The following STX16 variants were observed in gnomAD, a reference collection of about 807,000 sequenced individuals.
STX16 encodes the protein syntaxin-16.
Under a neutral mutation model 42.7 loss-of-function variants are expected in STX16, and 28 were observed. That is an observed-to-expected ratio of 0.66 (90% CI 0.49 to 0.90). The LOEUF is 0.90. Among genes scored for constraint, STX16 ranks in the 40% least tolerant of loss-of-function variants. STX16 has a pLI of 0.00. For synonymous variants in STX16, 156 were observed against 155.2 expected (o/e 1.00, Z -0.04); for missense variants, 361 against 420.9 (o/e 0.86, Z 1.24).
chr20:58,659,195 CATG>C (rs542478530), intron 1 of STX16, among the ~76,000 whole-genome samples: 294 of 152,254 alleles, frequency 1.9e-3, no homozygotes, highest in Middle Eastern at 3.4e-3. Context: ...ATTTATTTAA[CATG>C]ATAAAATTAC....
intron 1 of STX16, chr20:58,652,371 A>G: frequency 6.5e-6 from 3 of 458,782 alleles, no homozygotes; most frequent in South Asian, 5.7e-5. Context: ...CTTCCGCAGC[A>G]CCCCCCCCCC....
intron 1 of STX16, among the ~76,000 whole-genome samples, chr20:58,655,280 A>T (rs79012931): frequency 0.081 from 12,321 of 152,220 alleles, 547 homozygotes; most frequent in African/African-American, 0.097. Flanking sequence ...AGTGTGTATC[A>T]TACACCTCAA....
In STX16 at chr20:58,667,888, AG is replaced by A. The variant is rs1235055057; in HGVS notation, c.253-98del. 6 of 1,496,666 alleles carry A rather than the reference AG, an allele frequency of 4.0e-6. No individual in the cohort carries two copies. The East Asian group carries it at 1.4e-4, about 34-fold the overall frequency. 92.7% of individuals were successfully genotyped at this position (1,496,666 alleles called of 1,614,324 possible). On this transcript the variant is annotated intron_variant, in intron 3 of 8. Transcript: ENST00000371141. Reference sequence around the variant, plus strand: ...CTGCTCACACATCAGCAAGCCAACAAGTTTGCTGAAGACCGAATTCTGTATG... The same window carrying A: ...CTGCTCACACATCAGCAAGCCAACAATTTGCTGAAGACCGAATTCTGTATG...
Position 58,677,631 on chromosome 20 carries a change from A to G in STX16, c.*1340A>G, listed in dbSNP as rs1057095865. 2 of 152,216 alleles carry G rather than the reference A, an allele frequency of 1.3e-5. No homozygotes were observed. Among genetic ancestry groups the G allele is most frequent in the African/African-American group, 2.4e-5 (1 of 41,456 alleles). The allele number at this position is 152,216 out of a possible 1,614,324, so 9.4% of individuals were successfully genotyped here. On this transcript the variant is annotated 3_prime_UTR_variant, in exon 9 of 9. Transcript: ENST00000371141. ...TTTAATGGTCTTTGTGTAAATTTTAATGGCTTTTCCATTGTTTTTGCTTCT... is the reference window on the plus strand; with the variant it reads ...TTTAATGGTCTTTGTGTAAATTTTAGTGGCTTTTCCATTGTTTTTGCTTCT...
chr20:58,652,993 T>C (rs542586334), intron 1 of STX16, among the ~76,000 whole-genome samples: 1 of 152,310 alleles, frequency 6.6e-6, no homozygotes, highest in South Asian at 2.1e-4. Flanking sequence ...GAGCCTCAGT[T>C]TACTGCTCTG....
At chr20:58,662,201 A>G (rs747360549) in intron 2 of STX16, among the ~76,000 whole-genome samples, 17 of 152,356 alleles carry the variant, frequency 1.1e-4, no homozygotes, top group Admixed American at 4.6e-4. Flanking sequence ...AACAAATGTC[A>G]AGCCCCCAAA....
intron 1 of STX16, among the ~76,000 whole-genome samples, chr20:58,652,702 A>AT: frequency 6.6e-6 from 1 of 152,104 alleles, no homozygotes; most frequent in Admixed American, 6.5e-5. Context: ...CCTGTGAATA[A>AT]TTGCCTCACT....
chr20:58,669,357 G>A lies in STX16; in HGVS notation c.460G>A (p.Glu154Lys), dbSNP rs2083915142. 2.5e-6 allele frequency: 4 copies of A among 1,611,956 alleles called. No individual in the cohort carries two copies. Among genetic ancestry groups the A allele is most frequent in the Non-Finnish European group, 3.4e-6 (4 of 1,179,180 alleles). ...PSRARACSEQ[E>K]GRLLGNVVAS... ...CCGGGCCCGGGCCTGCTCCGAGCAG[G>A]AGGGGCGGCTGCTTGGGAACGTGGT... Residue 154 changes from glutamate (E) to lysine (K), a missense_variant, in exon 5 of 9, where the codon GAG becomes AAG. Physicochemically the swap from Glu to Lys is moderately conservative, Grantham distance 56. Coordinates refer to ENST00000371141, the MANE Select transcript of STX16 (RefSeq NM_001001433.3).
At position 58,673,659 on chromosome 20, in the gene STX16, A is replaced by G; in HGVS notation, c.821A>G (p.Asn274Ser). The G allele has an allele frequency of 6.2e-7, 1 of 1,613,608 alleles. No homozygotes were observed. The highest frequency in any genetic ancestry group is 8.5e-7 in the Non-Finnish European group (1 of 1,179,524). ...ACAGTCCTTGACAGAATTGACTATA[A>G]CGTTGAACAGTCCTGTATCAAAACT... ...QGTVLDRIDY[N>S]VEQSCIKTED... Residue 274 changes from asparagine (N) to serine (S), a missense_variant, in exon 8 of 9, where the codon AAC (asparagine) becomes AGC (serine). Physicochemically the swap from Asn to Ser is conservative, Grantham distance 46 (BLOSUM62 1). Coordinates refer to ENST00000371141, the MANE Select transcript of STX16 (RefSeq NM_001001433.3).
At chr20:58,666,008 C>T (rs866056639) in intron 2 of STX16, among the ~76,000 whole-genome samples, 3 of 152,206 alleles carry the variant, frequency 2.0e-5, no homozygotes, top group Non-Finnish European at 2.9e-5. Context: ...GGGCCTATTA[C>T]TTGAAGTGGT....
At chr20:58,659,049 C>T (rs888728481) in intron 1 of STX16, among the ~76,000 whole-genome samples, 7 of 151,938 alleles carry the variant, frequency 4.6e-5, no homozygotes, top group East Asian at 1.9e-4. Context: ...GCCGTGTCTG[C>T]GGGATGTAAT....
Position 58,651,562 on chromosome 20 carries a change from G to A in STX16, c.-445G>A, listed in dbSNP as rs917914847. ...GAAACTGAGTCACAGCCAGACCTCA[G>A]GGCACGGCCTAGACGCTTACGAGCC... On this transcript the variant is annotated 5_prime_UTR_variant, in exon 1 of 9. Coordinates refer to ENST00000371141, the MANE Select transcript of STX16 (RefSeq NM_001001433.3). 2.4e-5 allele frequency: 4 copies of A among 163,410 alleles called. No homozygotes were observed. Among genetic ancestry groups the A allele is most frequent in the African/African-American group, 4.8e-5 (2 of 41,564 alleles). The allele number at this position is 163,410 out of a possible 1,614,324, so 10.1% of individuals were successfully genotyped here. A position where few individuals can be genotyped will look rare whatever the true frequency, so the allele number is the denominator to read the frequency against.
At position 58,669,409 on chromosome 20, in the gene STX16, A is replaced by C; in HGVS notation, c.512A>C (p.Glu171Ala). The C allele has an allele frequency of 6.2e-7, 1 of 1,612,320 alleles. No individual in the cohort carries two copies. Among genetic ancestry groups the C allele is most frequent in the Non-Finnish European group, 8.5e-7 (1 of 1,179,536 alleles). ...VVASLAQALQELSTSFRHAQS... is the reference protein window; with the variant it reads ...VVASLAQALQALSTSFRHAQS... ...GCCTCGCTGGCGCAGGCCCTGCAGG[A>C]ACTCTCCACCAGCTTCCGGCACGCA... The change falls in exon 5 of 9, where the codon GAA becomes GCA. Residue 171 changes from glutamate to alanine, a missense_variant. Coordinates refer to ENST00000371141, the MANE Select transcript of STX16 (RefSeq NM_001001433.3).
In STX16 at chr20:58,676,355, C is replaced by A; in HGVS notation, c.*64C>A. On this transcript the variant is annotated 3_prime_UTR_variant, in exon 9 of 9. Transcript: ENST00000371141. Reference sequence around the variant, plus strand: ...TCCCGGGTGTGAGGGGCTTGGCCTGCGCCCCGCCAGCTGCCCGCAGAGGTG... The same window carrying A: ...TCCCGGGTGTGAGGGGCTTGGCCTGAGCCCCGCCAGCTGCCCGCAGAGGTG... 6.9e-7 allele frequency: 1 copy of A among 1,451,388 alleles called. No individual in the cohort carries two copies. Among genetic ancestry groups the A allele is most frequent in the Non-Finnish European group, 9.7e-7 (1 of 1,034,870 alleles). The allele number at this position is 1,451,388 out of a possible 1,614,324, so 89.9% of individuals were successfully genotyped here.
At chr20:58,652,661 C>T (rs1397409576) in intron 1 of STX16, among the ~76,000 whole-genome samples, 2 of 151,970 alleles carry the variant, frequency 1.3e-5, no homozygotes, top group African/African-American at 4.8e-5. Context: ...TTTCTTTTAA[C>T]GGCCCCGCAG....
Position 58,679,052 on chromosome 20 carries a change from G to T in STX16, c.*2761G>T, listed in dbSNP as rs1364451898. 3 of 152,244 alleles carry T rather than the reference G, an allele frequency of 2.0e-5. No homozygotes were observed. The highest frequency in any genetic ancestry group is 2.9e-5 in the Non-Finnish European group (2 of 68,060). The allele number at this position is 152,244 out of a possible 1,614,324, so 9.4% of individuals were successfully genotyped here. A position where few individuals can be genotyped will look rare whatever the true frequency, so the allele number is the denominator to read the frequency against. On this transcript the variant is annotated 3_prime_UTR_variant, in exon 9 of 9. Transcript: ENST00000371141. The stretch of plus-strand genomic sequence containing the variant: ...TTTAAAGTGTCCGGGTGCAGCTCAG[G>T]TTGAGTGGAGGTAGAAGGAGAAACA...
intron 7 of STX16, among the ~76,000 whole-genome samples, chr20:58,671,625 T>C (rs113579575): frequency 0.016 from 2,370 of 152,214 alleles, 56 homozygotes; most frequent in African/African-American, 0.054. Context: ...GGGGTTGGAA[T>C]GTTGGAACCC....
chr20:58,674,733 C>T (rs2084063078), intron 8 of STX16, among the ~76,000 whole-genome samples: 1 of 152,104 alleles, frequency 6.6e-6, no homozygotes, highest in South Asian at 2.1e-4. Flanking sequence ...TTTTTTTAAG[C>T]ATTTAGATTA....
In STX16 at chr20:58,677,139, C is replaced by A. The variant is rs2084148913; in HGVS notation, c.*848C>A. On this transcript the variant is annotated 3_prime_UTR_variant, in exon 9 of 9. Coordinates refer to ENST00000371141, the MANE Select transcript of STX16 (RefSeq NM_001001433.3). ...AAGCCACCAGACTCAGCCAGTGTGTCCCCATGGGTATCCCCAGCCATCCTT... is the reference window on the plus strand; with the variant it reads ...AAGCCACCAGACTCAGCCAGTGTGTACCCATGGGTATCCCCAGCCATCCTT... 2.0e-5 allele frequency: 3 copies of A among 152,630 alleles called. No individual in the cohort carries two copies. The highest frequency in any genetic ancestry group is 7.2e-5 in the African/African-American group (3 of 41,446). The allele number at this position is 152,630 out of a possible 1,614,324, so 9.5% of individuals were successfully genotyped here.
Sources: gnomAD v4.1 joint callset for allele counts (sites outside exome capture counted in the v4.1 genomes callset) on GRCh38, gnomAD v4.1.1 for gene constraint, MANE v1.5 for transcripts, NCBI Gene and HGNC (gene_info 2026-07-23, HGNC 2026-07-21) for gene names.